The following TANC1 variants were observed in gnomAD, a reference collection of about 807,000 sequenced individuals.
TANC1 encodes the protein tetratricopeptide repeat, ankyrin repeat and coiled-coil containing 1.
In TANC1, 77 loss-of-function variants were observed where a neutral mutation model predicts 149.7. The observed-to-expected ratio is 0.51, with a 90% CI of 0.43 to 0.62. The LOEUF (loss-of-function observed/expected upper bound fraction) is 0.62, where lower values mean the gene tolerates loss of function less well. Among genes scored for constraint, TANC1 ranks in the 20% least tolerant of loss-of-function variants. TANC1 has a pLI of 0.00. For missense variants in TANC1, 1,985 were observed against 2,321.8 expected (o/e 0.85, Z 2.98); for synonymous variants, 854 against 925.0 (o/e 0.92, Z 1.39).
intron 4 of TANC1, among the ~76,000 whole-genome samples, chr2:159,135,815 C>G (rs1015436862): frequency 2.6e-5 from 4 of 152,238 alleles, no homozygotes; most frequent in African/African-American, 9.6e-5. Context: ...AAATCAAACC[C>G]TTCATCACAA....
chr2:159,171,455 G>A (rs553607401), intron 10 of TANC1, among the ~76,000 whole-genome samples: 1 of 151,602 alleles, frequency 6.6e-6, no homozygotes, highest in South Asian at 2.1e-4. Flanking sequence ...AACATAGGGA[G>A]ACCTCGTCTC....
intron 5 of TANC1, among the ~76,000 whole-genome samples, chr2:159,145,285 A>G (rs2051932431): frequency 6.6e-6 from 1 of 152,242 alleles, no homozygotes; most frequent in African/African-American, 2.4e-5. Flanking sequence ...ACACTTGAAA[A>G]TAGATATGAA....
chr2:159,045,529 A>T (rs2040972714), intron 2 of TANC1, among the ~76,000 whole-genome samples: 1 of 152,224 alleles, frequency 6.6e-6, no homozygotes, highest in Admixed American at 6.5e-5. Flanking sequence ...GCTTAAATTC[A>T]GTGATGCATA....
chr2:159,019,414 ACCT>A lies in TANC1; in HGVS notation c.-16+18229_-16+18231del, dbSNP rs550150414. ...AACTAGAAATCCTTATTTATGTGTA[ACCT>A]CCTGCTTTCTAAGTGTTGGCAACCT... On this transcript the variant is annotated intron_variant, in intron 2 of 26. Transcript: ENST00000263635. Among the ~76,000 whole-genome samples the A allele has an allele frequency of 3.5e-4, 53 of 152,258 alleles. No individual in the cohort carries two copies. In the South Asian group the frequency reaches 0.01, roughly 29 times the overall value.
chr2:159,198,421 G>A (rs6432515), intron 18 of TANC1, among the ~76,000 whole-genome samples: 66,804 of 151,892 alleles, frequency 0.44, 15,262 homozygotes, highest in African/African-American at 0.56. Flanking sequence ...GGTGAACGCC[G>A]GCTCAGGTCC....
chr2:159,217,712 T>C, intron 20 of TANC1, 82 bp downstream of exon 20: 4 of 1,535,236 alleles, frequency 2.6e-6, no homozygotes, highest in South Asian at 1.2e-5. Flanking sequence ...GAGAACACAA[T>C]GCAGCTCCCC....
chr2:159,082,431 A>G (rs2044373858), intron 3 of TANC1, among the ~76,000 whole-genome samples: 1 of 151,064 alleles, frequency 6.6e-6, no homozygotes, highest in South Asian at 2.1e-4. Context: ...CATCTTACAA[A>G]TGTTTGCTTT....
intron 24 of TANC1, 88 bp from the exon 25 acceptor site, chr2:159,227,731 G>T: frequency 1.4e-6 from 2 of 1,457,358 alleles, no homozygotes; most frequent in Non-Finnish European, 1.9e-6. Flanking sequence ...GCAGGGGGGA[G>T]TAAACTCCCC....
At chr2:159,056,235 A>G (rs1255022986) in intron 2 of TANC1, 2 of 232,852 alleles carry the variant, frequency 8.6e-6, no homozygotes, top group African/African-American at 2.3e-5. Context: ...TCTCCCAGGA[A>G]CATGGAGAAT....
At chr2:159,075,212 A>C (rs1485980017) in intron 3 of TANC1, among the ~76,000 whole-genome samples, 1 of 152,210 alleles carries the variant, frequency 6.6e-6, no homozygotes, top group Non-Finnish European at 1.5e-5. Context: ...CTACTAGAGA[A>C]GTAAAAATGA....
chr2:159,044,848 C>T (rs956045382), intron 2 of TANC1, among the ~76,000 whole-genome samples: 2 of 152,192 alleles, frequency 1.3e-5, no homozygotes, highest in African/African-American at 4.8e-5. Flanking sequence ...TGTACTCTGC[C>T]ATCTGTTTTG....
At chr2:159,184,646 C>T (rs2056807408) in intron 14 of TANC1, among the ~76,000 whole-genome samples, 1 of 152,032 alleles carries the variant, frequency 6.6e-6, no homozygotes, top group South Asian at 2.1e-4. Flanking sequence ...CCTGGGGAGG[C>T]CTTGGGGGCC....
chr2:159,195,864 C>T (rs1252778827), intron 17 of TANC1, among the ~76,000 whole-genome samples: 1 of 152,238 alleles, frequency 6.6e-6, no homozygotes, highest in Non-Finnish European at 1.5e-5. Context: ...AATGAGGGTA[C>T]AGGGCGTCCC....
intron 7 of TANC1, among the ~76,000 whole-genome samples, chr2:159,152,228 G>C (rs1057057964): frequency 2.6e-5 from 4 of 152,084 alleles, no homozygotes; most frequent in Admixed American, 6.6e-5. Flanking sequence ...ATTTTTCCCA[G>C]CGTTACTTCT....
At chr2:159,182,143 A>T (rs1208316156) in intron 14 of TANC1, among the ~76,000 whole-genome samples, 1 of 152,080 alleles carries the variant, frequency 6.6e-6, no homozygotes, top group Non-Finnish European at 1.5e-5. Context: ...CAGGAGGCGA[A>T]GGTTGCAGTG....
intron 19 of TANC1, among the ~76,000 whole-genome samples, chr2:159,206,869 C>T (rs1187924152): frequency 6.6e-6 from 1 of 152,066 alleles, no homozygotes; most frequent in Non-Finnish European, 1.5e-5. Flanking sequence ...AACCTTATGC[C>T]TGCTTTAAAT....
At chr2:159,014,814 G>T (rs1321481054) in intron 2 of TANC1, among the ~76,000 whole-genome samples, 4 of 152,164 alleles carry the variant, frequency 2.6e-5, no homozygotes, top group African/African-American at 9.6e-5. Context: ...GATCTCCTTT[G>T]TCTCCATGTC....
Position 159,230,142 on chromosome 2 carries a change from C to T in TANC1, c.4716C>T (p.Ala1572=), listed in dbSNP as rs4664276. 0.39 allele frequency: 622,979 copies of T among 1,613,470 alleles called. 125,589 individuals carry two copies. The highest frequency in any genetic ancestry group is 0.62 in the East Asian group (27,779 of 44,816). ...PPSPMPGRIA[A]TPAGSRTQHL... Reference sequence around the variant, plus strand: ...GTCCCATGCCAGGGAGAATCGCTGCCACTCCTGCTGGGAGCAGAACCCAGC... The same window carrying T: ...GTCCCATGCCAGGGAGAATCGCTGCTACTCCTGCTGGGAGCAGAACCCAGC... Residue 1572 remains alanine, a synonymous_variant, in exon 27 of 27, where the codon GCC becomes GCT. Transcript: ENST00000263635. This position sits in a 1 kb window ranked among gnomAD's most constrained non-coding sequence, Gnocchi z 4.4.
intron 2 of TANC1, among the ~76,000 whole-genome samples, chr2:159,061,175 A>T (rs2042209204): frequency 6.6e-6 from 1 of 152,198 alleles, no homozygotes; most frequent in African/African-American, 2.4e-5. Flanking sequence ...CTCCTCAATG[A>T]ACGTTACAGG....
Sources: allele counts gnomAD v4.1 joint callset (sites outside exome capture counted in the v4.1 genomes callset), GRCh38; gene constraint gnomAD v4.1.1; non-coding constraint Gnocchi (gnomAD v3.1); transcripts MANE v1.5; gene names NCBI Gene and HGNC (gene_info 2026-07-23, HGNC 2026-07-21).